The following MAGI2 variants were observed in gnomAD, a reference collection of about 807,000 sequenced individuals.
MAGI2 encodes the protein membrane associated guanylate kinase, WW and PDZ domain containing 2.
In MAGI2, 35 loss-of-function variants were observed where a neutral mutation model predicts 133.3. The ratio of observed to expected loss-of-function variants is 0.26; its 90% CI spans 0.20 to 0.35. MAGI2 has a LOEUF of 0.35. Ranked by LOEUF, MAGI2 falls within the 10% of genes least tolerant of loss-of-function variation. The pLI, the probability that MAGI2 is intolerant of heterozygous loss-of-function variation, is 1.00. For synonymous variants in MAGI2, 729 were observed against 710.6 expected (o/e 1.03, Z -0.41); for missense variants, 1,636 against 1,863.4 (o/e 0.88, Z 2.25).
chr7:79,049,914 C>T (rs965058147), intron 1 of MAGI2, among the ~76,000 whole-genome samples: 1 of 152,108 alleles, frequency 6.6e-6, no homozygotes, highest in African/African-American at 2.4e-5. Flanking sequence ...ACTAAATACA[C>T]ATATTTTGTT....
At chr7:78,666,189 C>T (rs188181594) in intron 2 of MAGI2, among the ~76,000 whole-genome samples, 20 of 152,184 alleles carry the variant, frequency 1.3e-4, no homozygotes, top group Middle Eastern at 3.4e-3. Context: ...GAGAGCTAGA[C>T]GACTTTAAAA....
intron 6 of MAGI2, among the ~76,000 whole-genome samples, chr7:78,461,484 A>G (rs1042516871): frequency 2.0e-5 from 3 of 151,648 alleles, no homozygotes; most frequent in African/African-American, 7.3e-5. Flanking sequence ...GTATTTTCAT[A>G]TTTTGTATAG....
Position 78,605,170 on chromosome 7 carries a change from A to G in MAGI2, c.538+21950T>C, listed in dbSNP as rs889005689. ...TTCTATTTAGGAGAGTGATTGCAGC[A>G]GTCTGACAAGAAATGTGCATTTTAG... is the stretch of plus-strand genomic sequence containing the variant. On this transcript the variant is annotated intron_variant, in intron 3 of 21. Transcript: ENST00000354212. 6.6e-5 allele frequency among the ~76,000 whole-genome samples: 10 copies of G among 152,218 alleles called. No homozygotes were observed. In the East Asian group the frequency reaches 1.7e-3, roughly 26 times the overall value.
intron 2 of MAGI2, among the ~76,000 whole-genome samples, chr7:78,633,654 A>T (rs11765449): frequency 8.8e-5 from 13 of 147,160 alleles, no homozygotes; most frequent in Non-Finnish European, 1.5e-5. Context: ...TGCAGTGAGC[A>T]GAGATCGCGC....
intron 1 of MAGI2, among the ~76,000 whole-genome samples, chr7:79,101,517 G>A (rs1237982109): frequency 6.6e-5 from 10 of 152,062 alleles, no homozygotes; most frequent in African/African-American, 2.2e-4. Context: ...GAGGTCAGGA[G>A]ATCGAGACCA....
intron 6 of MAGI2, among the ~76,000 whole-genome samples, chr7:78,414,759 G>T (rs1191994414): frequency 6.6e-6 from 1 of 151,886 alleles, no homozygotes; most frequent in Non-Finnish European, 1.5e-5. Flanking sequence ...TCCTGGGTTT[G>T]GTGAAAAAGT....
At chr7:78,320,858 G>T (rs1371777880) in intron 9 of MAGI2, among the ~76,000 whole-genome samples, 2 of 152,054 alleles carry the variant, frequency 1.3e-5, no homozygotes, top group Non-Finnish European at 2.9e-5. Context: ...TGACATGATG[G>T]TATATTTAGA....
chr7:79,050,460 T>G (rs13244950), intron 1 of MAGI2, among the ~76,000 whole-genome samples: 1 of 152,120 alleles, frequency 6.6e-6, no homozygotes, highest in African/African-American at 2.4e-5. Context: ...ATAACTCATC[T>G]CAGTCTCAAA....
chr7:78,461,380 A>C (rs1789973019), intron 6 of MAGI2, among the ~76,000 whole-genome samples: 1 of 111,588 alleles, frequency 9.0e-6, no homozygotes, highest in African/African-American at 3.6e-5. Flanking sequence ...AGATTCCTGG[A>C]CACGTGTGTG....
intron 6 of MAGI2, 39 bp from the exon 7 acceptor site, chr7:78,369,252 C>A (rs746184255): frequency 1.5e-6 from 2 of 1,347,632 alleles, no homozygotes; most frequent in South Asian, 1.3e-5. Context: ...TAAAGAATAT[C>A]ACAATTTCTA....
intron 1 of MAGI2, among the ~76,000 whole-genome samples, chr7:79,320,251 C>T (rs748126920): frequency 2.0e-5 from 3 of 151,990 alleles, no homozygotes; most frequent in Non-Finnish European, 2.9e-5. Context: ...ACAAAGAATA[C>T]ACATAATTGC....
intron 1 of MAGI2, among the ~76,000 whole-genome samples, chr7:79,321,003 G>A (rs1839140726): frequency 6.6e-6 from 1 of 152,088 alleles, no homozygotes; most frequent in Admixed American, 6.6e-5. Context: ...TATACTGTGG[G>A]CAGATTACCA....
At chr7:78,527,029 A>AAAAAAAAAAAAAG (rs1563125198) in intron 3 of MAGI2, among the ~76,000 whole-genome samples, 15 of 124,728 alleles carry the variant, frequency 1.2e-4, no homozygotes, top group Non-Finnish European at 2.4e-4. Context: ...AAAAAAAAAA[A>AAAAAAAAAAAAAG]AAAAAGAAAA....
chr7:79,336,855 A>T (rs1281408447), intron 1 of MAGI2, among the ~76,000 whole-genome samples: 1 of 152,130 alleles, frequency 6.6e-6, no homozygotes, highest in Non-Finnish European at 1.5e-5. Flanking sequence ...GAGAAGACAG[A>T]AGATGTAGGT....
At chr7:78,642,595 AAGAG>A (rs1221253382) in intron 2 of MAGI2, among the ~76,000 whole-genome samples, 5 of 152,226 alleles carry the variant, frequency 3.3e-5, no homozygotes, top group African/African-American at 1.2e-4. Context: ...TCTAGTGGAA[AAGAG>A]AGAAAGACAT....
chr7:78,716,919 A>G (rs1389193920), intron 2 of MAGI2, among the ~76,000 whole-genome samples: 1 of 152,210 alleles, frequency 6.6e-6, no homozygotes, highest in Non-Finnish European at 1.5e-5. Context: ...AAGCCACAGC[A>G]TTTTGCAGAC....
At chr7:78,130,746 G>T (rs2150525284) in intron 18 of MAGI2, among the ~76,000 whole-genome samples, 1 of 152,290 alleles carries the variant, frequency 6.6e-6, no homozygotes, top group East Asian at 1.9e-4. Context: ...AGTAGAAGAA[G>T]CAAAATACCT....
intron 9 of MAGI2, among the ~76,000 whole-genome samples, chr7:78,274,156 C>T (rs1331235644): frequency 6.6e-6 from 1 of 152,160 alleles, no homozygotes; most frequent in Non-Finnish European, 1.5e-5. Context: ...TGATACTATT[C>T]CTTTCTCTTT....
chr7:78,624,359 T>C (rs1207708745), intron 3 of MAGI2, among the ~76,000 whole-genome samples: 3 of 152,182 alleles, frequency 2.0e-5, no homozygotes, highest in African/African-American at 4.8e-5. Context: ...CAATTGCTTT[T>C]GGTGTTTTCA....
Sources: allele counts gnomAD v4.1 joint callset (sites outside exome capture counted in the v4.1 genomes callset), GRCh38; gene constraint gnomAD v4.1.1; transcripts MANE v1.5; gene names NCBI Gene and HGNC (gene_info 2026-07-23, HGNC 2026-07-21).